Variants in RAD51B observed in about 807,000 individuals in gnomAD.
RAD51B encodes DNA repair protein RAD51 homolog 2.
A neutral mutation model predicts 42.2 loss-of-function variants in RAD51B; 38 were observed. The observed-to-expected ratio is 0.90, with a 90% CI of 0.70 to 1.18. The LOEUF is 1.18. Ranked by LOEUF, RAD51B falls within the 50% of genes most tolerant of loss-of-function variation. The pLI, the probability that RAD51B is intolerant of heterozygous loss-of-function variation, is 0.00. For missense variants in RAD51B, 373 were observed against 400.7 expected (o/e 0.93, Z 0.59); for synonymous variants, 154 against 145.2 (o/e 1.06, Z -0.43).
At chr14:68,541,739 G>A (rs767097095) in intron 10 of RAD51B, 161 of 985,392 alleles carry the variant, frequency 1.6e-4, no homozygotes, top group Non-Finnish European at 1.9e-4. Flanking sequence ...TGTAGTAACA[G>A]CTGTTAGTAT....
At chr14:68,604,353 G>A (rs1045480697) in intron 10 of RAD51B, among the ~76,000 whole-genome samples, 1 of 144,254 alleles carries the variant, frequency 6.9e-6, no homozygotes, top group African/African-American at 2.6e-5. Flanking sequence ...TTTGACAAGT[G>A]CAAAGGGCTG....
chr14:68,495,170 G>A (rs2140288488), intron 10 of RAD51B, among the ~76,000 whole-genome samples: 1 of 152,274 alleles, frequency 6.6e-6, no homozygotes, highest in Admixed American at 6.5e-5. Context: ...ATCTGTTCAT[G>A]CCCTGCCTTG....
chr14:68,383,779 A>G (rs542030717), intron 8 of RAD51B, among the ~76,000 whole-genome samples: 1 of 152,196 alleles, frequency 6.6e-6, no homozygotes. Flanking sequence ...CAGAGTTAGA[A>G]TCAGGGTGGA....
At chr14:68,465,731 G>A (rs549031893) in intron 9 of RAD51B, among the ~76,000 whole-genome samples, 1 of 152,120 alleles carries the variant, frequency 6.6e-6, no homozygotes, top group South Asian at 2.1e-4. Flanking sequence ...CACGAGGTCA[G>A]GAGATTGAGA....
chr14:67,939,951 C>A lies in RAD51B; in HGVS notation c.756+52747C>A, dbSNP rs2045102841. Among the ~76,000 whole-genome samples, 3 of 131,836 alleles carry A rather than the reference C, an allele frequency of 2.3e-5. No individual in the cohort carries two copies. In the South Asian group the frequency reaches 7.2e-4, roughly 32 times the overall value. The allele number at this position is 131,836 out of a possible 152,430, so 86.5% of individuals were successfully genotyped here. On this transcript the variant is annotated intron_variant, in intron 7 of 10. Transcript: ENST00000471583. ...ATTAGGTATATATTCTGTAATTATG[C>A]CTCATAACATACATTATATATATAT...
intron 7 of RAD51B, among the ~76,000 whole-genome samples, chr14:67,929,850 A>G (rs1447121096): frequency 6.7e-6 from 1 of 149,402 alleles, no homozygotes; most frequent in Non-Finnish European, 1.5e-5. Context: ...GGGTCTCAAT[A>G]TGTTTTCTAG....
chr14:68,203,615 A>C (rs999821835), intron 7 of RAD51B, among the ~76,000 whole-genome samples: 7 of 152,198 alleles, frequency 4.6e-5, no homozygotes, highest in Admixed American at 2.0e-4. Context: ...CTCTGAAGCT[A>C]GGCATTGACT....
intron 10 of RAD51B, among the ~76,000 whole-genome samples, chr14:68,556,351 C>G (rs1478559905): frequency 6.6e-6 from 1 of 152,198 alleles, no homozygotes; most frequent in East Asian, 1.9e-4. Context: ...AGGCCCCTAC[C>G]TGGAACCAAC....
chr14:68,466,565 CCT>C (rs2085992523), intron 9 of RAD51B, among the ~76,000 whole-genome samples: 1 of 152,212 alleles, frequency 6.6e-6, no homozygotes, highest in African/African-American at 2.4e-5. Context: ...ACCCAGCTTC[CCT>C]CTCTCATGCT....
intron 10 of RAD51B, among the ~76,000 whole-genome samples, chr14:68,491,589 T>A (rs1481323767): frequency 6.6e-6 from 1 of 152,174 alleles, no homozygotes; most frequent in East Asian, 1.9e-4. Flanking sequence ...CAGCTCCTAG[T>A]GTCCAGAAAC....
At chr14:68,625,779 A>G (rs1892064689) in intron 10 of RAD51B, among the ~76,000 whole-genome samples, 1 of 152,118 alleles carries the variant, frequency 6.6e-6, no homozygotes. Context: ...TGGTATCTCT[A>G]TGAATGGGTT....
chr14:68,097,953 C>G (rs1210858544), intron 7 of RAD51B, among the ~76,000 whole-genome samples: 1 of 152,182 alleles, frequency 6.6e-6, no homozygotes, highest in East Asian at 1.9e-4. Context: ...TCCATTTCCT[C>G]CCATGTGCTG....
At chr14:68,274,664 C>G (rs2081185993) in intron 7 of RAD51B, among the ~76,000 whole-genome samples, 1 of 152,150 alleles carries the variant, frequency 6.6e-6, no homozygotes, top group Non-Finnish European at 1.5e-5. Context: ...CAAATAATGT[C>G]ACAAATAATT....
intron 10 of RAD51B, among the ~76,000 whole-genome samples, chr14:68,579,285 A>G (rs911098431): frequency 6.6e-6 from 1 of 152,058 alleles, no homozygotes; most frequent in African/African-American, 2.4e-5. Context: ...ATTACTACCC[A>G]TGGAGATCCA....
chr14:68,155,664 T>C, intron 7 of RAD51B, among the ~76,000 whole-genome samples: 1 of 152,180 alleles, frequency 6.6e-6, no homozygotes, highest in East Asian at 1.9e-4. Context: ...CAATAAATGG[T>C]TGCAAAATTC....
chr14:68,249,734 T>C (rs2141017910), intron 7 of RAD51B, among the ~76,000 whole-genome samples: 1 of 152,340 alleles, frequency 6.6e-6, no homozygotes, highest in Admixed American at 6.5e-5. Flanking sequence ...CCTGGTGACA[T>C]GAAAGGGCAT....
chr14:68,622,307 C>T (rs887242425), intron 10 of RAD51B, among the ~76,000 whole-genome samples: 10 of 152,310 alleles, frequency 6.6e-5, no homozygotes, highest in Admixed American at 1.3e-4. Flanking sequence ...TGAGGAACAA[C>T]TGATTCAGTC....
chr14:67,939,553 G>A (rs1266125916), intron 7 of RAD51B, among the ~76,000 whole-genome samples: 1 of 152,142 alleles, frequency 6.6e-6, no homozygotes, highest in Non-Finnish European at 1.5e-5. Flanking sequence ...GATGGCTTTC[G>A]GTAGGGGCCC....
intron 7 of RAD51B, among the ~76,000 whole-genome samples, chr14:68,104,905 C>T (rs1039506136): frequency 6.6e-6 from 1 of 152,030 alleles, no homozygotes; most frequent in African/African-American, 2.4e-5. Flanking sequence ...TTTTACTATG[C>T]CTGCACAGGA....
Sources: gnomAD v4.1 joint callset for allele counts (sites outside exome capture counted in the v4.1 genomes callset) on GRCh38, gnomAD v4.1.1 for gene constraint, MANE v1.5 for transcripts, NCBI Gene and HGNC (gene_info 2026-07-23, HGNC 2026-07-21) for gene names.